The following PLXNA4 variants were observed in gnomAD, a reference collection of about 807,000 sequenced individuals.
The protein encoded by PLXNA4 is plexin A4.
PLXNA4 carries 44 observed loss-of-function variants against 191.8 expected under a neutral mutation model. That is an observed-to-expected ratio of 0.23 (90% CI 0.18 to 0.29). The LOEUF is 0.29. Ranked by LOEUF, PLXNA4 falls within the 10% of genes least tolerant of loss-of-function variation. The pLI is 1.00. For synonymous variants in PLXNA4, 1,082 were observed against 1,009.5 expected, an observed-to-expected ratio of 1.07 and a Z score of -1.36; for missense variants, 1,800 against 2,488.8, an observed-to-expected ratio of 0.72 and a Z score of 5.89.
At chr7:132,635,546 C>T (rs1340459414) in intron 2 of PLXNA4, among the ~76,000 whole-genome samples, 1 of 152,092 alleles carries the variant, frequency 6.6e-6, no homozygotes, top group Non-Finnish European at 1.5e-5. Context: ...AAGGAAAAAA[C>T]AATGTGAGCT....
intron 15 of PLXNA4, among the ~76,000 whole-genome samples, chr7:132,185,881 C>T (rs1037377067): frequency 3.9e-5 from 6 of 152,202 alleles, no homozygotes; most frequent in African/African-American, 1.4e-4. Flanking sequence ...TTATTCTGCT[C>T]ATTGGCTATA....
intron 13 of PLXNA4, among the ~76,000 whole-genome samples, chr7:132,198,268 C>T (rs771502046): frequency 3.3e-5 from 5 of 152,204 alleles, no homozygotes; most frequent in Non-Finnish European, 5.9e-5. Flanking sequence ...TCAGCTATTT[C>T]TCCTTTCCCT....
At chr7:132,465,084 C>A (rs1246314102) in intron 3 of PLXNA4, among the ~76,000 whole-genome samples, 1 of 152,200 alleles carries the variant, frequency 6.6e-6, no homozygotes, top group Non-Finnish European at 1.5e-5. Flanking sequence ...TCCCTCCCTC[C>A]TTTCATTCCC....
intron 1 of PLXNA4, among the ~76,000 whole-genome samples, chr7:132,518,337 T>G (rs926538750): frequency 6.6e-6 from 1 of 152,184 alleles, no homozygotes; most frequent in Non-Finnish European, 1.5e-5. Flanking sequence ...CAAGAGAAGG[T>G]CACTGCTGGC....
At chr7:132,347,553 G>A (rs1563049501) in intron 3 of PLXNA4, among the ~76,000 whole-genome samples, 1 of 152,158 alleles carries the variant, frequency 6.6e-6, no homozygotes, top group Non-Finnish European at 1.5e-5. Flanking sequence ...GAATAGTATT[G>A]GCTGCCCAAA....
At chr7:132,190,547 T>C (rs58811609) in intron 14 of PLXNA4, among the ~76,000 whole-genome samples, 67,498 of 152,068 alleles carry the variant, frequency 0.44, 18,340 homozygotes, top group African/African-American at 0.75. Flanking sequence ...TTTTGTTTAA[T>C]GGTCACCCCA....
At chr7:132,299,273 A>G (rs1316778290) in intron 3 of PLXNA4, among the ~76,000 whole-genome samples, 1 of 152,250 alleles carries the variant, frequency 6.6e-6, no homozygotes, top group Non-Finnish European at 1.5e-5. Context: ...ATAAAACTAA[A>G]GAAAAAAATT....
At chr7:132,269,445 A>G (rs1799981398) in intron 4 of PLXNA4, among the ~76,000 whole-genome samples, 1 of 146,180 alleles carries the variant, frequency 6.8e-6, no homozygotes, top group African/African-American at 2.5e-5. Context: ...ATTACAGACC[A>G]GATGAGAGTG....
At chr7:132,353,727 G>T (rs535778482) in intron 3 of PLXNA4, among the ~76,000 whole-genome samples, 3 of 152,078 alleles carry the variant, frequency 2.0e-5, no homozygotes, top group Admixed American at 6.6e-5. Context: ...TGAATGACTT[G>T]GTTCTATGGT....
rs759795258 is a variant in PLXNA4, at chr7:132,194,140, A to G, written c.2778T>C (p.His926=). ...CEMGEAKPSQ[H]AGFVEICVAV... ...CCACGCAGATCTCCACGAAGCCTGC[A>G]TGCTGGCTGGGCTTGGCCTCCCCCA... Residue 926 remains histidine, a synonymous_variant, in exon 14 of 32, where the codon CAT becomes CAC. Coordinates refer to ENST00000321063, the MANE Select transcript of PLXNA4 (RefSeq NM_020911.2). 6.2e-7 allele frequency: 1 copy of G among 1,613,988 alleles called. No homozygotes were observed. The highest frequency in any genetic ancestry group is 1.7e-5 in the Admixed American group (1 of 60,020).
chr7:132,613,272 G>A (rs920993283), intron 2 of PLXNA4, among the ~76,000 whole-genome samples: 17 of 152,080 alleles, frequency 1.1e-4, no homozygotes, highest in African/African-American at 3.6e-4. Flanking sequence ...CCTCTGCTCT[G>A]TACATAGCTG....
chr7:132,375,895 A>G (rs1286557819), intron 3 of PLXNA4, among the ~76,000 whole-genome samples: 1 of 152,174 alleles, frequency 6.6e-6, no homozygotes, highest in East Asian at 1.9e-4. Flanking sequence ...GAAAGGAAAA[A>G]GGCAAATAGG....
At chr7:132,382,481 C>T (rs958333451) in intron 3 of PLXNA4, among the ~76,000 whole-genome samples, 56 of 152,220 alleles carry the variant, frequency 3.7e-4, no homozygotes, top group Middle Eastern at 3.4e-3. Flanking sequence ...AAGTGAGATC[C>T]AAATATGAGG....
In PLXNA4 at chr7:132,508,216, G is replaced by A; in HGVS notation, c.478C>T (p.Leu160=). 6.2e-7 allele frequency: 1 copy of A among 1,614,234 alleles called. No homozygotes were observed. The highest frequency in any genetic ancestry group is 8.5e-7 in the Non-Finnish European group (1 of 1,180,034). Residue 160 remains leucine (L), a synonymous_variant, in exon 2 of 32, where the codon CTG becomes TTG. Transcript: ENST00000321063. The surrounding 1 kb of genome is among the most constrained non-coding windows in gnomAD (Gnocchi z 4.4). Reference sequence around the variant, plus strand: ...GAGCCGCTCTCGTTGACACCTGACAGATAGTGCTCCTTCTTATGATAAGGC... The same window carrying A: ...GAGCCGCTCTCGTTGACACCTGACAAATAGTGCTCCTTCTTATGATAAGGC... ...GEPYHKKEHY[L]SGVNESGSVF... is the part of the protein sequence containing the mutation.
intron 27 of PLXNA4, 87 bp from the exon 28 acceptor site, chr7:132,146,787 A>T: frequency 6.4e-7 from 1 of 1,562,226 alleles, no homozygotes; most frequent in Non-Finnish European, 8.7e-7. Flanking sequence ...CTCCGGCAGA[A>T]GCCAACGACT....
chr7:132,592,339 C>T (rs1802616691), intron 2 of PLXNA4, among the ~76,000 whole-genome samples: 1 of 152,100 alleles, frequency 6.6e-6, no homozygotes, highest in Non-Finnish European at 1.5e-5. Flanking sequence ...GAAACAGAGT[C>T]ATGAGGTCAC....
chr7:132,475,368 A>G (rs983453308), intron 3 of PLXNA4, among the ~76,000 whole-genome samples: 4 of 152,182 alleles, frequency 2.6e-5, no homozygotes, highest in African/African-American at 7.2e-5. Context: ...ACATGTGTTC[A>G]CAGTTTTAGT....
intron 3 of PLXNA4, among the ~76,000 whole-genome samples, chr7:132,375,184 A>G (rs1170404982): frequency 2.0e-5 from 3 of 152,156 alleles, no homozygotes; most frequent in Non-Finnish European, 2.9e-5. Flanking sequence ...TAGGAAAGAA[A>G]CCTGGTGGGG....
chr7:132,218,521 A>G (rs1798041553), intron 9 of PLXNA4, among the ~76,000 whole-genome samples: 1 of 152,218 alleles, frequency 6.6e-6, no homozygotes. Flanking sequence ...AAAACAGCAA[A>G]ATAGTCCATC....
Sources: allele counts gnomAD v4.1 joint callset (sites outside exome capture counted in the v4.1 genomes callset), GRCh38; gene constraint gnomAD v4.1.1; non-coding constraint Gnocchi (gnomAD v3.1); transcripts MANE v1.5; gene names NCBI Gene and HGNC (gene_info 2026-07-23, HGNC 2026-07-21).